SFSWAP: variants seen among roughly 807,000 people sequenced by gnomAD.
SFSWAP encodes the protein splicing factor, suppressor of white-apricot homolog.
In SFSWAP, 17 loss-of-function variants were observed where a neutral mutation model predicts 100.7. That is an observed-to-expected ratio of 0.17 (90% confidence interval 0.12 to 0.25). SFSWAP has a LOEUF of 0.25. SFSWAP is among the 10% of genes least tolerant of loss of function. SFSWAP has a pLI of 1.00. For synonymous variants in SFSWAP, 504 were observed against 510.1 expected, an observed-to-expected ratio of 0.99 and a Z score of 0.16; for missense variants, 1,005 against 1,262.6, an observed-to-expected ratio of 0.80 and a Z score of 3.09.
chr12:131,786,135 C>T (rs1460412275), intron 14 of SFSWAP, among the ~76,000 whole-genome samples: 1 of 152,170 alleles, frequency 6.6e-6, no homozygotes, highest in African/African-American at 2.4e-5. Flanking sequence ...GACCGTGGCT[C>T]ATGGGGAATT....
chr12:131,749,345 G>A (rs959207292), intron 7 of SFSWAP, among the ~76,000 whole-genome samples: 12 of 152,298 alleles, frequency 7.9e-5, no homozygotes, highest in African/African-American at 2.4e-4. Flanking sequence ...GCCCTCCCCC[G>A]TTCATGACTA....
intron 14 of SFSWAP, among the ~76,000 whole-genome samples, chr12:131,782,499 C>T (rs1158767459): frequency 6.6e-6 from 1 of 152,202 alleles, no homozygotes; most frequent in Non-Finnish European, 1.5e-5. Context: ...CAGAATGGAT[C>T]GGACTTGTCA....
rs34781103 is a variant in SFSWAP, at chr12:131,766,227, G to A, written c.2061G>A (p.Ala687=). 2,348 of 1,614,156 alleles carry A rather than the reference G, an allele frequency of 1.5e-3. 28 individuals carry two copies. In the African/African-American group the frequency reaches 0.025, roughly 17 times the overall value. ...TTCAAGCAGAACGTAAAAGGAAAGC[G>A]GCGTTATTTTTACAGACCCTCAAAA... The part of the protein sequence containing the change: ...KQLQAERKRK[A]ALFLQTLKNP... The change falls in exon 13 of 18, where the codon GCG becomes GCA. Residue 687 remains alanine, a synonymous_variant. Transcript: ENST00000261674.
chr12:131,795,563 C>G (rs1244458703), intron 15 of SFSWAP, among the ~76,000 whole-genome samples: 1 of 152,138 alleles, frequency 6.6e-6, no homozygotes, highest in Non-Finnish European at 1.5e-5. Flanking sequence ...ACAGCCCCAG[C>G]CATTAAGCAA....
chr12:131,738,294 A>G (rs1253162173), intron 7 of SFSWAP, among the ~76,000 whole-genome samples: 1 of 152,352 alleles, frequency 6.6e-6, no homozygotes, highest in African/African-American at 2.4e-5. Flanking sequence ...GAAGGAAGAA[A>G]GCAAAAATGT....
chr12:131,785,177 C>T (rs1369185513), intron 14 of SFSWAP: 12 of 1,535,572 alleles, frequency 7.8e-6, no homozygotes, highest in Non-Finnish European at 1.0e-5. Context: ...TCGACCACCA[C>T]CAGATTTGAC....
intron 7 of SFSWAP, among the ~76,000 whole-genome samples, chr12:131,738,153 GCT>G (rs2136203397): frequency 6.6e-6 from 1 of 152,028 alleles, no homozygotes; most frequent in South Asian, 2.1e-4. Context: ...ATATTTTCTT[GCT>G]TCTATCCCTG....
At chr12:131,760,626 A>G (rs1287383986) in intron 11 of SFSWAP, among the ~76,000 whole-genome samples, 6 of 152,332 alleles carry the variant, frequency 3.9e-5, no homozygotes, top group East Asian at 1.9e-4. Flanking sequence ...ATGTCTATAC[A>G]TGGATGTTCG....
Position 131,714,993 on chromosome 12 carries a change from A to G in SFSWAP, c.520+40A>G, listed in dbSNP as rs201601965. 48 of 1,609,000 alleles carry G rather than the reference A, an allele frequency of 3.0e-5. 1 individual carries two copies. The African/African-American group carries it at 5.5e-4, about 18-fold the overall frequency. On this transcript the variant is annotated intron_variant, in intron 3 of 17. Coordinates refer to ENST00000261674, the MANE Select transcript of SFSWAP (RefSeq NM_004592.4). The surrounding 1 kb of genome is among the most constrained non-coding windows in gnomAD (Gnocchi z 6.0). ...GCCTGGACTGCTGGTGTAGGGCTAC[A>G]CGTGTACGCACAGGCTGCATGCACC... is the stretch of plus-strand genomic sequence containing the variant.
intron 16 of SFSWAP, 66 bp from the exon 17 acceptor site, chr12:131,798,971 G>C: frequency 8.3e-7 from 1 of 1,207,464 alleles, no homozygotes; most frequent in East Asian, 2.3e-5. Flanking sequence ...TGGGGATGCT[G>C]TTCACTGGCC....
At chr12:131,784,868 A>G in intron 14 of SFSWAP, 2 of 423,662 alleles carry the variant, frequency 4.7e-6, no homozygotes, top group East Asian at 7.1e-5. Flanking sequence ...CCATGACAAA[A>G]TGGTATTGTA....
intron 13 of SFSWAP, among the ~76,000 whole-genome samples, chr12:131,773,618 A>AAGATGCTGGGTG (rs1883788069): frequency 6.6e-6 from 1 of 152,216 alleles, no homozygotes; most frequent in Non-Finnish European, 1.5e-5. Flanking sequence ...TGCTAGGATG[A>AAGATGCTGGGTG]CAGGCATGAG....
chr12:131,796,263 T>A (rs1024870591), intron 15 of SFSWAP: 6 of 152,188 alleles, frequency 3.9e-5, no homozygotes, highest in Non-Finnish European at 8.8e-5. Flanking sequence ...ACCAAGTACA[T>A]GTTCACTCTC....
chr12:131,739,881 C>T (rs953824986), intron 7 of SFSWAP, among the ~76,000 whole-genome samples: 43 of 152,082 alleles, frequency 2.8e-4, no homozygotes, highest in South Asian at 4.1e-4. Flanking sequence ...TGACTGGATT[C>T]GTTTTTTCCC....
intron 7 of SFSWAP, among the ~76,000 whole-genome samples, chr12:131,743,392 A>G (rs1244420565): frequency 6.6e-6 from 1 of 152,264 alleles, no homozygotes; most frequent in East Asian, 1.9e-4. Flanking sequence ...ACAACCGTCC[A>G]TATGAGAGAA....
intron 13 of SFSWAP, among the ~76,000 whole-genome samples, chr12:131,770,692 G>T (rs1400970475): frequency 6.6e-6 from 1 of 152,076 alleles, no homozygotes; most frequent in African/African-American, 2.4e-5. Context: ...TAGAGTTTGA[G>T]TTTTTAACAT....
rs1057485120 is a variant in SFSWAP at position 131,730,969 on chromosome 12, C to A, written c.1081+2541C>A. ...GCTGTTAGGGTCTGTGGGTTTTAGACATATGCTCCTGCATCAGCCATAGGG... is the reference window on the plus strand; with the variant it reads ...GCTGTTAGGGTCTGTGGGTTTTAGAAATATGCTCCTGCATCAGCCATAGGG... On this transcript the variant is annotated intron_variant, in intron 7 of 17. Transcript: ENST00000261674. The surrounding 1 kb of genome is among the most constrained non-coding windows in gnomAD (Gnocchi z 4.0). 2.0e-5 allele frequency among the ~76,000 whole-genome samples: 3 copies of A among 152,164 alleles called. No homozygotes were observed. Among genetic ancestry groups the A allele is most frequent in the Non-Finnish European group, 2.9e-5 (2 of 68,032 alleles).
At chr12:131,724,463 T>TCAAAA (rs1878772981) in intron 4 of SFSWAP, among the ~76,000 whole-genome samples, 1 of 152,250 alleles carries the variant, frequency 6.6e-6, no homozygotes, top group Non-Finnish European at 1.5e-5. Flanking sequence ...TGAAGGATGT[T>TCAAAA]ATTAGTTCAA....
intron 7 of SFSWAP, among the ~76,000 whole-genome samples, chr12:131,731,202 A>T (rs1441419217): frequency 6.6e-6 from 1 of 152,206 alleles, no homozygotes; most frequent in South Asian, 2.1e-4. Context: ...GCTCAGCCTT[A>T]TGGGATGAGT....
Sources: allele counts gnomAD v4.1 joint callset (sites outside exome capture counted in the v4.1 genomes callset), GRCh38; gene constraint gnomAD v4.1.1; non-coding constraint Gnocchi (gnomAD v3.1); transcripts MANE v1.5; gene names NCBI Gene and HGNC (gene_info 2026-07-23, HGNC 2026-07-21).